The following DST variants were observed in gnomAD, a reference collection of about 807,000 sequenced individuals.
DST encodes dystonin, also known as bullous pemphigoid antigen.
A neutral mutation model predicts 875.2 loss-of-function variants in DST; 253 were observed. That is an observed-to-expected ratio of 0.29 (90% confidence interval 0.26 to 0.32). The LOEUF (loss-of-function observed/expected upper bound fraction) is 0.32. Among genes scored for constraint, DST ranks in the 10% least tolerant of loss-of-function variants. DST has a pLI of 1.00. For synonymous variants in DST, 3,124 were observed against 3,197.1 expected (o/e 0.98, Z 0.77); for missense variants, 8,287 against 9,111.6 (o/e 0.91, Z 3.68).
chr6:56,552,147 C>T lies in DST; in HGVS notation c.16608+37G>A, dbSNP rs1276947757. The T allele has an allele frequency of 3.9e-6, 6 of 1,537,076 alleles. No individual in the cohort carries two copies. In the South Asian group the frequency reaches 7.9e-5, roughly 20 times the overall value. The stretch of plus-strand genomic sequence containing the variant: ...CTAAGCAAATTAGAAACTTCATTGA[C>T]AATAAAAACACTGGGTAAAAATGAA... On this transcript the variant is annotated intron_variant, in intron 61 of 103. Coordinates refer to ENST00000680361, the MANE Select transcript of DST (RefSeq NM_001374736.1).
At chr6:56,907,604 C>T (rs1375975189) in intron 2 of DST, among the ~76,000 whole-genome samples, 2 of 152,292 alleles carry the variant, frequency 1.3e-5, no homozygotes, top group South Asian at 2.1e-4. Flanking sequence ...CAACATTCTG[C>T]TCTTATGTAA....
At chr6:56,491,146 A>T (rs1455431656) in intron 85 of DST, among the ~76,000 whole-genome samples, 1 of 152,222 alleles carries the variant, frequency 6.6e-6, no homozygotes, top group Non-Finnish European at 1.5e-5. Context: ...TGTAACACTG[A>T]ACATTTCACA....
intron 4 of DST, among the ~76,000 whole-genome samples, chr6:56,769,252 A>C (rs1384894915): frequency 6.6e-6 from 1 of 152,200 alleles, no homozygotes; most frequent in African/African-American, 2.4e-5. Context: ...ACCACTATAC[A>C]CATCTATTGG....
intron 4 of DST, among the ~76,000 whole-genome samples, chr6:56,790,906 T>C (rs769235772): frequency 6.6e-6 from 1 of 152,168 alleles, no homozygotes; most frequent in Non-Finnish European, 1.5e-5. Flanking sequence ...CCAAGATACC[T>C]GGATCACAAG....
intron 3 of DST, among the ~76,000 whole-genome samples, chr6:56,888,628 C>T (rs1455282554): frequency 1.3e-5 from 2 of 152,166 alleles, no homozygotes; most frequent in African/African-American, 4.8e-5. Context: ...AACACAGAAA[C>T]ACCCTGCTAT....
intron 3 of DST, among the ~76,000 whole-genome samples, chr6:56,876,543 A>C (rs1057115225): frequency 6.6e-6 from 1 of 152,228 alleles, no homozygotes; most frequent in African/African-American, 2.4e-5. Flanking sequence ...CTCATGATGC[A>C]TCATTTCAAG....
intron 25 of DST, 61 bp downstream of exon 25, chr6:56,634,740 C>T (rs2098810667): frequency 1.7e-5 from 27 of 1,602,496 alleles, no homozygotes; most frequent in Non-Finnish European, 2.2e-5. Flanking sequence ...GCAATATGAT[C>T]TCATTTACAA....
intron 49 of DST, among the ~76,000 whole-genome samples, chr6:56,581,504 CG>C (rs2097991897): frequency 6.6e-6 from 1 of 152,168 alleles, no homozygotes; most frequent in East Asian, 1.9e-4. Flanking sequence ...GCAGTCCCCG[CG>C]TATCTCTGAG....
intron 71 of DST, 61 bp from the exon 72 acceptor site, chr6:56,515,729 G>T: frequency 1.4e-6 from 2 of 1,388,768 alleles, no homozygotes; most frequent in Non-Finnish European, 2.0e-6. Flanking sequence ...ACACTCCAGA[G>T]TGCTCTGTCC....
rs372639720 is a variant in DST at position 56,460,226 on chromosome 6, C to T, written c.23099G>A (p.Arg7700Gln). 2.2e-5 allele frequency: 35 copies of T among 1,613,816 alleles called. No homozygotes were observed. The highest frequency in any genetic ancestry group is 2.7e-5 in the Non-Finnish European group (32 of 1,179,870). The change falls in exon 103 of 104, where the codon CGA (arginine) becomes CAA (glutamine). Residue 7700 changes from arginine (R) to glutamine (Q), a missense_variant. Physicochemically the swap from Arg to Gln is conservative, Grantham distance 43. This residue lies in a region of DST where 240 missense variants were observed against 237.3 expected (regional missense o/e 1.01). Coordinates refer to ENST00000680361, the MANE Select transcript of DST (RefSeq NM_001374736.1). ...EGTPIQGSKL[R>Q]LPGYLSGKGF... ...TTTCCCTGATAAATATCCTGGAAGT[C>T]GAAGCTTGCTTCCTTGTATTGGCGT...
At position 56,634,564 on chromosome 6, in the gene DST, G is replaced by C. The variant is rs1212844182; in HGVS notation, c.3392C>G (p.Ala1131Gly). ...ECVLANNSHRAKWKVISPTGN... is the reference protein window; with the variant it reads ...ECVLANNSHRGKWKVISPTGN... ...AGTAGGACTAATGACCTTCCATTTAGCACGATGAGAGTTATTCGCCAAAAC... is the reference window on the plus strand; with the variant it reads ...AGTAGGACTAATGACCTTCCATTTACCACGATGAGAGTTATTCGCCAAAAC... Residue 1131 changes from alanine to glycine, a missense_variant, in exon 26 of 104, where the codon GCT (alanine) becomes GGT (glycine). This residue lies in a region of DST where 1,160 missense variants were observed against 1,424.3 expected (regional missense o/e 0.81). Transcript: ENST00000680361. 2 of 1,614,052 alleles carry C rather than the reference G, an allele frequency of 1.2e-6. No individual in the cohort carries two copies. Among genetic ancestry groups the C allele is most frequent in the East Asian group, 4.5e-5 (2 of 44,898 alleles).
intron 4 of DST, among the ~76,000 whole-genome samples, chr6:56,798,088 T>C (rs1385544432): frequency 6.6e-6 from 1 of 152,220 alleles, no homozygotes; most frequent in Non-Finnish European, 1.5e-5. Flanking sequence ...CAACAATTGC[T>C]GATACAGAAA....
intron 36 of DST, chr6:56,618,484 G>A (rs936128413): frequency 1.2e-6 from 2 of 1,613,980 alleles, no homozygotes; most frequent in South Asian, 1.1e-5. Flanking sequence ...TGATCTGTTG[G>A]TCCATTTTTT....
rs1562300549 is a variant in DST at position 56,486,401 on chromosome 6, ACT to A, written c.21047+701_21047+702del. ...AAAAAAAAAAAAGGATTTTTTCAAAACTAACATGACAAAAACTTACTGTGAGT... is the reference window on the plus strand; with the variant it reads ...AAAAAAAAAAAAGGATTTTTTCAAAAAACATGACAAAAACTTACTGTGAGT... On this transcript the variant is annotated intron_variant, in intron 87 of 103. Transcript: ENST00000680361. Among the ~76,000 whole-genome samples, 136 of 149,568 alleles carry A rather than the reference ACT, an allele frequency of 9.1e-4. 10 individuals are homozygous for A. Among genetic ancestry groups the A allele is most frequent in the Non-Finnish European group, 1.5e-3 (103 of 66,480 alleles).
At chr6:56,617,869 C>T in intron 36 of DST, 1 of 843,560 alleles carries the variant, frequency 1.2e-6, no homozygotes, top group Non-Finnish European at 2.0e-6. Flanking sequence ...CCTGTCAGAA[C>T]TACAATGAGC....
In DST at chr6:56,501,512, G is replaced by A; in HGVS notation, c.19740+8C>T. 6.6e-7 allele frequency: 1 copy of A among 1,519,822 alleles called. No individual in the cohort carries two copies. The highest frequency in any genetic ancestry group is 8.8e-7 in the Non-Finnish European group (1 of 1,134,438). The allele number at this position is 1,519,822 out of a possible 1,614,324, so 94.1% of individuals were successfully genotyped here. On this transcript the variant is annotated splice_region_variant and intron_variant, in intron 79 of 103. Coordinates refer to ENST00000680361, the MANE Select transcript of DST (RefSeq NM_001374736.1). ...TTATAATTTCTTAAGAAAAGTCTTG[G>A]TATTTACCTGTCTGTTGATGATTCT...
chr6:56,622,596 A>T (rs915414133), intron 36 of DST, among the ~76,000 whole-genome samples: 1 of 134,748 alleles, frequency 7.4e-6, no homozygotes, highest in African/African-American at 2.9e-5. Flanking sequence ...AAAAAAAAAA[A>T]TCATGTTGTC....
chr6:56,578,897 T>G lies in DST; in HGVS notation c.12944A>C (p.Glu4315Ala). The G allele has an allele frequency of 1.2e-6, 2 of 1,605,928 alleles. No homozygotes were observed. Among genetic ancestry groups the G allele is most frequent in the Non-Finnish European group, 8.5e-7 (1 of 1,175,924 alleles). Residue 4315 changes from glutamate (E) to alanine (A), a missense_variant, in exon 50 of 104, where the codon GAG becomes GCG. Coordinates refer to ENST00000680361, the MANE Select transcript of DST (RefSeq NM_001374736.1). ...GQISSQQVAV[E>A]KLKKTAEVLL... ...CACTTCAGCCGTTTTCTTCAGTTTC[T>G]CTACAGCAACCTGCTGACTTGATAT...
intron 12 of DST, among the ~76,000 whole-genome samples, chr6:56,650,622 G>C (rs1157508963): frequency 1.3e-5 from 2 of 152,150 alleles, no homozygotes; most frequent in Non-Finnish European, 2.9e-5. Context: ...ATGTAAAACG[G>C]CAGCCAGCTA....
Sources: allele counts gnomAD v4.1 joint callset (sites outside exome capture counted in the v4.1 genomes callset), GRCh38; gene constraint gnomAD v4.1.1; regional missense constraint gnomAD v4.1.1; transcripts MANE v1.5; gene names NCBI Gene and HGNC (gene_info 2026-07-23, HGNC 2026-07-21).